TTC8: variants seen among roughly 807,000 people sequenced by gnomAD.
TTC8 encodes tetratricopeptide repeat domain 8, also known as tetratricopeptide repeat protein 8.
Under a neutral mutation model 72.5 loss-of-function variants are expected in TTC8, and 47 were observed. That is an observed-to-expected ratio of 0.65 (90% CI 0.51 to 0.83). TTC8 has a LOEUF of 0.83. TTC8 is among the 40% of genes least tolerant of loss of function. The probability of loss-of-function intolerance (pLI) is 0.00; values close to 1 mark genes in which losing one functional copy is unlikely to be tolerated. For missense variants in TTC8, 611 were observed against 623.2 expected, an observed-to-expected ratio of 0.98 and a Z score of 0.21; for synonymous variants, 199 against 221.4, an observed-to-expected ratio of 0.90 and a Z score of 0.90.
intron 2 of TTC8, among the ~76,000 whole-genome samples, chr14:88,837,592 C>A (rs1442006914): frequency 6.6e-6 from 1 of 152,166 alleles, no homozygotes; most frequent in African/African-American, 2.4e-5. Context: ...GTAGTCCTTC[C>A]TGTCCACCAG....
chr14:88,853,136 G>T (rs74075892), intron 8 of TTC8, 80 bp downstream of exon 8: 12 of 1,002,752 alleles, frequency 1.2e-5, no homozygotes, highest in Non-Finnish European at 1.7e-5. Flanking sequence ...TGAGGGGGGG[G>T]AGATTTTCCC....
chr14:88,834,925 G>A (rs1030863188), intron 2 of TTC8, among the ~76,000 whole-genome samples: 1 of 152,166 alleles, frequency 6.6e-6, no homozygotes, highest in African/African-American at 2.4e-5. Context: ...TGTTCTGTTT[G>A]TATAGACTTA....
intron 2 of TTC8, among the ~76,000 whole-genome samples, chr14:88,838,191 G>T (rs1453231546): frequency 6.6e-6 from 1 of 152,054 alleles, no homozygotes; most frequent in Non-Finnish European, 1.5e-5. Flanking sequence ...GCTCACAAAA[G>T]GATCTTTGCT....
At chr14:88,879,577 C>T (rs2094967428), downstream of TTC8, 1 of 151,850 alleles carries the variant, frequency 6.6e-6, no homozygotes, top group Non-Finnish European at 1.5e-5. Context: ...TGCTTTTTCC[C>T]AGGCTCAGAT....
chr14:88,867,806 C>T (rs373897764), intron 10 of TTC8, among the ~76,000 whole-genome samples: 1 of 152,206 alleles, frequency 6.6e-6, no homozygotes, highest in East Asian at 1.9e-4. Context: ...CTTATTGAGG[C>T]TTGAGCCTTC....
chr14:88,830,945 G>A (rs1163996788), intron 1 of TTC8: 2 of 455,712 alleles, frequency 4.4e-6, no homozygotes, highest in Admixed American at 2.4e-5. Flanking sequence ...GGTAGTCTGT[G>A]TTCCATCCTT....
In TTC8 at chr14:88,871,618, C is replaced by G. The variant is rs1287023324; in HGVS notation, c.1119C>G (p.Ala373=). 6.2e-7 allele frequency: 1 copy of G among 1,613,978 alleles called. No homozygotes were observed. The highest frequency in any genetic ancestry group is 8.5e-7 in the Non-Finnish European group (1 of 1,179,984). The change falls in exon 12 of 15, where the codon GCC becomes GCG. Residue 373 remains alanine, a synonymous_variant. Coordinates refer to ENST00000380656, the MANE Select transcript of TTC8 (RefSeq NM_144596.4). This position sits in a 1 kb window ranked among gnomAD's most constrained non-coding sequence, Gnocchi z 4.1. ...ATCTGGGGCTGTGTTGCTTCTATGC[C>G]CAGCAGTATGATATGACTCTGACCT... ...FNNLGLCCFY[A]QQYDMTLTSF... is the part of the protein sequence containing the mutation.
intron 7 of TTC8, among the ~76,000 whole-genome samples, chr14:88,850,818 A>C (rs909090827): frequency 1.3e-5 from 2 of 152,232 alleles, no homozygotes; most frequent in Non-Finnish European, 2.9e-5. Flanking sequence ...CTGGGGATAC[A>C]CAGTCTCAAA....
rs760410744 is a variant in TTC8, at chr14:88,871,528, T to A, written c.1050-21T>A. The A allele has an allele frequency of 6.8e-6, 11 of 1,612,776 alleles. No homozygotes were observed. The highest frequency in any genetic ancestry group is 1.3e-5 in the African/African-American group (1 of 74,904). On this transcript the variant is annotated intron_variant, in intron 11 of 14. Coordinates refer to ENST00000380656, the MANE Select transcript of TTC8 (RefSeq NM_144596.4). This position sits in a 1 kb window ranked among gnomAD's most constrained non-coding sequence, Gnocchi z 4.1. ...ACAAAGTTGGTCTGACACCAAAATT[T>A]GTGTGTTCTTTTTTGAAAAGGCGGC...
chr14:88,871,015 A>C lies in TTC8; in HGVS notation c.1050-534A>C, dbSNP rs536938128. On this transcript the variant is annotated intron_variant, in intron 11 of 14. Transcript: ENST00000380656. The surrounding 1 kb of genome is among the most constrained non-coding windows in gnomAD (Gnocchi z 4.1). ...GAAGCAAATGGGGCTCTTGAGCTGC[A>C]GTGTGAGAGCTAAGTGGATAATGTA... Among the ~76,000 whole-genome samples, 1 of 152,298 alleles carries C rather than the reference A, an allele frequency of 6.6e-6. No homozygotes were observed. Among genetic ancestry groups the C allele is most frequent in the African/African-American group, 2.4e-5 (1 of 41,570 alleles).
At chr14:88,833,653 A>G (rs1321556308) in intron 1 of TTC8, 40 bp from the exon 2 acceptor site, 1 of 1,596,700 alleles carries the variant, frequency 6.3e-7, no homozygotes, top group Admixed American at 1.7e-5. Flanking sequence ...TAGAAACTGT[A>G]TTTCTTAAAA....
chr14:88,866,836 T>C (rs991040693), intron 10 of TTC8, among the ~76,000 whole-genome samples: 2 of 152,030 alleles, frequency 1.3e-5, no homozygotes, highest in African/African-American at 4.8e-5. Flanking sequence ...AGGGCAGTGT[T>C]CCACCCAAGA....
intron 7 of TTC8, among the ~76,000 whole-genome samples, chr14:88,845,132 A>G (rs2094800163): frequency 6.6e-6 from 1 of 152,200 alleles, no homozygotes; most frequent in Non-Finnish European, 1.5e-5. Flanking sequence ...AAAACAAGAA[A>G]GAGATATGGA....
chr14:88,847,788 T>G (rs757157330), intron 7 of TTC8, among the ~76,000 whole-genome samples: 2 of 152,106 alleles, frequency 1.3e-5, no homozygotes, highest in Non-Finnish European at 2.9e-5. Flanking sequence ...ATTATGTACA[T>G]GAAGCATGAT....
At chr14:88,839,621 G>C in intron 3 of TTC8, 49 bp downstream of exon 3, 2 of 1,600,966 alleles carry the variant, frequency 1.2e-6, no homozygotes, top group Non-Finnish European at 1.7e-6. Context: ...TTAAGAGGAA[G>C]AATACTGTGT....
intron 7 of TTC8, 65 bp downstream of exon 7, chr14:88,843,915 T>A: frequency 8.6e-7 from 1 of 1,161,230 alleles, no homozygotes; most frequent in Non-Finnish European, 1.3e-6. Context: ...GTTTAGATTC[T>A]GAAATATTCT....
chr14:88,872,456 A>G lies in TTC8; in HGVS notation c.1347+4A>G, dbSNP rs1595988688. 1.2e-6 allele frequency: 2 copies of G among 1,613,664 alleles called. No individual in the cohort carries two copies. The highest frequency in any genetic ancestry group is 1.7e-6 in the Non-Finnish European group (2 of 1,179,762). The stretch of plus-strand genomic sequence containing the variant: ...GCGGAAGGGCCACGTTGAACAGGTC[A>G]GTGAACTGGCAGCGGCATGCTGGGC... On this transcript the variant is annotated splice_donor_region_variant and intron_variant, in intron 13 of 14. Transcript: ENST00000380656.
intron 7 of TTC8, among the ~76,000 whole-genome samples, chr14:88,848,971 C>G (rs181932786): frequency 6.6e-6 from 1 of 152,070 alleles, no homozygotes; most frequent in East Asian, 1.9e-4. Flanking sequence ...CCAATTTGTA[C>G]TCTGCTTGTT....
chr14:88,826,826 G>T (rs2094703729), intron 1 of TTC8, among the ~76,000 whole-genome samples: 3 of 152,132 alleles, frequency 2.0e-5, no homozygotes, highest in South Asian at 2.1e-4. Context: ...TGTGTTCCAC[G>T]AAACAGTAGT....
Sources: gnomAD v4.1 joint callset for allele counts (sites outside exome capture counted in the v4.1 genomes callset) on GRCh38, gnomAD v4.1.1 for gene constraint, Gnocchi (gnomAD v3.1) non-coding constraint, MANE v1.5 for transcripts, NCBI Gene and HGNC (gene_info 2026-07-23, HGNC 2026-07-21) for gene names.